The following ARHGAP6 variants were observed in gnomAD, a reference collection of about 807,000 sequenced individuals.
ARHGAP6 encodes the protein rho GTPase-activating protein 6.
ARHGAP6 carries 16 observed loss-of-function variants against 55.7 expected under a neutral mutation model. That is an observed-to-expected ratio of 0.29 (90% CI 0.19 to 0.44). The LOEUF is 0.44. Ranked by LOEUF, ARHGAP6 falls within the 20% of genes least tolerant of loss-of-function variation. The pLI is 1.00. For missense variants in ARHGAP6, 698 were observed against 808.9 expected, an observed-to-expected ratio of 0.86 and a Z score of 1.66; for synonymous variants, 382 against 360.9, an observed-to-expected ratio of 1.06 and a Z score of -0.66.
At chrX:11,380,580 C>T (rs923755218) in intron 1 of ARHGAP6, among the ~76,000 whole-genome samples, 2 of 112,007 alleles carry the variant, frequency 1.8e-5, no homozygotes, top group Non-Finnish European at 3.8e-5. Context: ...ACACACGTTC[C>T]TGAGCTCCAA....
chrX:11,297,647 T>G (rs1016875509), intron 1 of ARHGAP6, among the ~76,000 whole-genome samples: 6 of 111,746 alleles, frequency 5.4e-5, no homozygotes, highest in African/African-American at 1.9e-4. Context: ...CAGGTAACAA[T>G]CTATGAGTTT....
chrX:11,152,278 T>C (rs1477627206), intron 10 of ARHGAP6, among the ~76,000 whole-genome samples: 1 of 112,531 alleles, frequency 8.9e-6, no homozygotes, highest in Non-Finnish European at 1.9e-5. Context: ...TCTATTAAAC[T>C]ACACAAGCAT....
chrX:11,227,802 T>TC (rs2047073349), intron 2 of ARHGAP6, among the ~76,000 whole-genome samples: 1 of 106,095 alleles, frequency 9.4e-6, no homozygotes, highest in African/African-American at 3.4e-5. Flanking sequence ...TCTTTTTTCT[T>TC]TTTTTTTTTT....
chrX:11,497,959 A>C (rs1273870000), intron 1 of ARHGAP6, among the ~76,000 whole-genome samples: 1 of 111,223 alleles, frequency 9.0e-6, no homozygotes, highest in Non-Finnish European at 1.9e-5. Flanking sequence ...TTTATCTTGC[A>C]ATCAGAATAG....
intron 1 of ARHGAP6, among the ~76,000 whole-genome samples, chrX:11,591,224 A>G (rs1017684601): frequency 4.6e-5 from 5 of 109,808 alleles, no homozygotes; most frequent in African/African-American, 1.6e-4. Flanking sequence ...ATAAATATAT[A>G]AATAAATAAA....
chrX:11,564,866 G>C (rs1250150965), intron 1 of ARHGAP6, among the ~76,000 whole-genome samples: 2 of 111,754 alleles, frequency 1.8e-5, no homozygotes, highest in Non-Finnish European at 3.8e-5. Context: ...TGCCCTACAG[G>C]ACTGGCTGGA....
chrX:11,375,500 C>T (rs2049190513), intron 1 of ARHGAP6, among the ~76,000 whole-genome samples: 1 of 112,111 alleles, frequency 8.9e-6, no homozygotes, highest in Non-Finnish European at 1.9e-5. Flanking sequence ...TCTTATTAAA[C>T]ATACCTCTAT....
chrX:11,300,564 C>T (rs1603043016), intron 1 of ARHGAP6: 1 of 1,118,864 alleles, frequency 8.9e-7, no homozygotes, highest in Non-Finnish European at 1.2e-6. Flanking sequence ...TCACTAGGAA[C>T]ATTTGTAAAT....
At chrX:11,434,212 C>T (rs1048794025) in intron 1 of ARHGAP6, among the ~76,000 whole-genome samples, 2 of 112,036 alleles carry the variant, frequency 1.8e-5, no homozygotes, top group African/African-American at 6.5e-5. Flanking sequence ...AGTGCCAAGG[C>T]GGAGAAATCT....
chrX:11,460,188 C>T (rs1347157960), intron 1 of ARHGAP6, among the ~76,000 whole-genome samples: 1 of 111,381 alleles, frequency 9.0e-6, no homozygotes, highest in Non-Finnish European at 1.9e-5. Flanking sequence ...CTCCTGCTGG[C>T]CTTTGAGAAG....
intron 8 of ARHGAP6, among the ~76,000 whole-genome samples, chrX:11,175,251 C>G (rs1049776846): frequency 4.5e-5 from 5 of 112,051 alleles, no homozygotes; most frequent in African/African-American, 1.6e-4. Context: ...TGCTCCGTAG[C>G]CTTTACTACA....
At chrX:11,656,386 C>T (rs1003638307) in intron 1 of ARHGAP6, among the ~76,000 whole-genome samples, 16 of 112,169 alleles carry the variant, frequency 1.4e-4, no homozygotes, top group African/African-American at 4.9e-4. Flanking sequence ...TATCGCTGCT[C>T]GAAATTACCA....
At chrX:11,601,856 C>T (rs995933250) in intron 1 of ARHGAP6, among the ~76,000 whole-genome samples, 1 of 111,513 alleles carries the variant, frequency 9.0e-6, no homozygotes, top group Non-Finnish European at 1.9e-5. Flanking sequence ...GAACTCTGAG[C>T]AACTCCAACA....
At chrX:11,240,477 T>C (rs2047260103) in intron 2 of ARHGAP6, among the ~76,000 whole-genome samples, 1 of 112,237 alleles carries the variant, frequency 8.9e-6, no homozygotes, top group Admixed American at 9.4e-5. Flanking sequence ...CAGGGATCTC[T>C]TCCCTATTCT....
At chrX:11,324,611 T>C (rs1416863027) in intron 1 of ARHGAP6, among the ~76,000 whole-genome samples, 1 of 108,058 alleles carries the variant, frequency 9.3e-6, no homozygotes, top group Non-Finnish European at 1.9e-5. Context: ...AAAAAAAAAA[T>C]CTAAAGGGCA....
intron 1 of ARHGAP6, among the ~76,000 whole-genome samples, chrX:11,613,811 C>G (rs1008166665): frequency 1.8e-5 from 2 of 112,303 alleles, no homozygotes; most frequent in Non-Finnish European, 3.8e-5. Context: ...TGGGCTAAAT[C>G]CTGACTGTAT....
chrX:11,364,733 T>C (rs1367859672), intron 1 of ARHGAP6, among the ~76,000 whole-genome samples: 1 of 111,573 alleles, frequency 9.0e-6, no homozygotes, highest in East Asian at 2.8e-4. Context: ...TATAATTCCC[T>C]GGGGAATTAT....
At chrX:11,603,396 A>T (rs1191553734) in intron 1 of ARHGAP6, among the ~76,000 whole-genome samples, 1 of 111,933 alleles carries the variant, frequency 8.9e-6, no homozygotes. Flanking sequence ...TTTCACACAA[A>T]ACAAGGTACA....
At chrX:11,333,982 A>C (rs2048596157) in intron 1 of ARHGAP6, among the ~76,000 whole-genome samples, 1 of 111,934 alleles carries the variant, frequency 8.9e-6, no homozygotes, top group South Asian at 3.8e-4. Context: ...GTTGGAGATA[A>C]AAAGATGGGG....
Sources: gnomAD v4.1 joint callset for allele counts (sites outside exome capture counted in the v4.1 genomes callset) on GRCh38, gnomAD v4.1.1 for gene constraint, MANE v1.5 for transcripts, NCBI Gene and HGNC (gene_info 2026-07-23, HGNC 2026-07-21) for gene names.